Variants in PGAP1 observed in about 807,000 individuals in gnomAD.
PGAP1 encodes post-GPI attachment to proteins inositol deacylase 1, also known as GPI inositol-deacylase.
PGAP1 carries 76 observed loss-of-function variants against 127.0 expected under a neutral mutation model. The ratio of observed to expected loss-of-function variants is 0.60; its 90% CI spans 0.50 to 0.72. PGAP1 has a LOEUF of 0.72. Among genes scored for constraint, PGAP1 ranks in the 30% least tolerant of loss-of-function variants. The pLI, the probability that PGAP1 is intolerant of heterozygous loss-of-function variation, is 0.00. For synonymous variants in PGAP1, 362 were observed against 366.5 expected (o/e 0.99, Z 0.14); for missense variants, 982 against 1,071.3 (o/e 0.92, Z 1.16).
intron 5 of PGAP1, among the ~76,000 whole-genome samples, chr2:196,900,423 A>T (rs1369007748): frequency 6.6e-6 from 1 of 152,248 alleles, no homozygotes; most frequent in Non-Finnish European, 1.5e-5. Flanking sequence ...TGTAAACATC[A>T]TTTAACTATT....
chr2:196,886,438 GGT>G (rs1399992903), intron 10 of PGAP1, among the ~76,000 whole-genome samples: 1 of 151,842 alleles, frequency 6.6e-6, no homozygotes, highest in African/African-American at 2.4e-5. Flanking sequence ...TGGGATTATA[GGT>G]GTGAGCCACC....
At position 196,840,996 on chromosome 2, in the gene PGAP1, T is replaced by C; in HGVS notation, c.*238A>G. ...GAGTCCTCAATGATAGTGATCACCA[T>C]ATATCCCTTCATGAATTTTTCAAAA... On this transcript the variant is annotated 3_prime_UTR_variant, in exon 27 of 27. Coordinates refer to ENST00000354764, the MANE Select transcript of PGAP1 (RefSeq NM_024989.4). 2.3e-6 allele frequency: 1 copy of C among 443,050 alleles called. No homozygotes were observed. Among genetic ancestry groups the C allele is most frequent in the Non-Finnish European group, 4.0e-6 (1 of 248,784 alleles). The allele number at this position is 443,050 out of a possible 1,614,324, so 27.4% of individuals were successfully genotyped here. A position where few individuals can be genotyped will look rare whatever the true frequency, so the allele number is the denominator to read the frequency against.
chr2:196,925,323 G>A (rs1029505161), intron 1 of PGAP1, among the ~76,000 whole-genome samples: 1 of 151,932 alleles, frequency 6.6e-6, no homozygotes, highest in African/African-American at 2.4e-5. Flanking sequence ...ATAATGACTT[G>A]TACAAAGAAG....
Position 196,889,364 on chromosome 2 carries a change from C to T in PGAP1, c.1173+1464G>A, listed in dbSNP as rs575394387. ...ACCCATTAGCATCCAGCCCACAATGCCTATCATCTTTTTTTAAAATATTTT... is the reference window on the plus strand; with the variant it reads ...ACCCATTAGCATCCAGCCCACAATGTCTATCATCTTTTTTTAAAATATTTT... On this transcript the variant is annotated intron_variant, in intron 10 of 26. Coordinates refer to ENST00000354764, the MANE Select transcript of PGAP1 (RefSeq NM_024989.4). Among the ~76,000 whole-genome samples, 604 of 152,054 alleles carry T rather than the reference C, an allele frequency of 4.0e-3. 3 individuals are homozygous for T. The highest frequency in any genetic ancestry group is 6.6e-3 in the Non-Finnish European group (451 of 67,984).
At position 196,902,732 on chromosome 2, in the gene PGAP1, C is replaced by A. The variant is rs769633526; in HGVS notation, c.660G>T (p.Thr220=). The change falls in exon 5 of 27, where the codon ACG becomes ACT. Residue 220 remains threonine, a synonymous_variant. Coordinates refer to ENST00000354764, the MANE Select transcript of PGAP1 (RefSeq NM_024989.4). The part of the protein sequence containing the change: ...PLDRFITDFY[T]TVNNYWILNA... Reference sequence around the variant, plus strand: ...TTAGAATCCAATAGTTGTTTACAGTCGTATAAAAATCTGGTGGGGAATAAA... The same window carrying A: ...TTAGAATCCAATAGTTGTTTACAGTAGTATAAAAATCTGGTGGGGAATAAA... 1.3e-6 allele frequency: 2 copies of A among 1,598,172 alleles called. No homozygotes were observed. Among genetic ancestry groups the A allele is most frequent in the South Asian group, 1.1e-5 (1 of 87,512 alleles).
chr2:196,858,205 T>C (rs1700950271), intron 20 of PGAP1, among the ~76,000 whole-genome samples: 2 of 151,876 alleles, frequency 1.3e-5, no homozygotes, highest in South Asian at 4.2e-4. Context: ...ATCGAGACCA[T>C]CCTGGCTAAC....
intron 20 of PGAP1, among the ~76,000 whole-genome samples, chr2:196,862,214 T>C (rs981460026): frequency 1.3e-5 from 2 of 152,088 alleles, no homozygotes; most frequent in Non-Finnish European, 2.9e-5. Flanking sequence ...GGTAGGTCTA[T>C]AGACGGGCTC....
chr2:196,870,683 A>G (rs1014922933), intron 19 of PGAP1, among the ~76,000 whole-genome samples: 9 of 152,154 alleles, frequency 5.9e-5, no homozygotes, highest in African/African-American at 2.2e-4. Flanking sequence ...TGAAAGAATC[A>G]CCTTAAAGCA....
intron 20 of PGAP1, among the ~76,000 whole-genome samples, chr2:196,858,821 A>C (rs905805848): frequency 1.3e-5 from 2 of 152,174 alleles, no homozygotes; most frequent in African/African-American, 4.8e-5. Flanking sequence ...AGCTAGACTA[A>C]GAAAAAAAGA....
intron 21 of PGAP1, 113 bp downstream of exon 21, chr2:196,847,834 T>A: frequency 1.4e-6 from 1 of 721,058 alleles, no homozygotes; most frequent in Non-Finnish European, 2.1e-6. Flanking sequence ...CCTCATTTAA[T>A]GAAACAAGTC....
intron 16 of PGAP1, 50 bp downstream of exon 16, chr2:196,873,478 C>T (rs1217065997): frequency 7.1e-7 from 1 of 1,411,064 alleles, no homozygotes; most frequent in South Asian, 1.2e-5. Context: ...CCTATTGAGT[C>T]TTCAAATGAC....
At chr2:196,863,049 A>T (rs73064937) in intron 20 of PGAP1, among the ~76,000 whole-genome samples, 15,592 of 152,258 alleles carry the variant, frequency 0.1, 959 homozygotes, top group African/African-American at 0.17. Context: ...TGGCTTGTTA[A>T]CAAAAAGACA....
intron 19 of PGAP1, among the ~76,000 whole-genome samples, chr2:196,866,789 C>T (rs1701256458): frequency 6.6e-6 from 1 of 151,964 alleles, no homozygotes; most frequent in African/African-American, 2.4e-5. Context: ...AAAAAACAAC[C>T]TCATCAAAAA....
intron 10 of PGAP1, among the ~76,000 whole-genome samples, chr2:196,889,518 CAA>C (rs1180672359): frequency 2.2e-5 from 3 of 133,622 alleles, no homozygotes; most frequent in Admixed American, 7.5e-5. Flanking sequence ...TGAGATATGC[CAA>C]AAAAAAAAAA....
intron 4 of PGAP1, among the ~76,000 whole-genome samples, chr2:196,904,268 C>T (rs1377558309): frequency 2.6e-5 from 4 of 152,168 alleles, no homozygotes; most frequent in South Asian, 2.1e-4. Context: ...CATCCTAATT[C>T]GATCCCGCAT....
intron 1 of PGAP1, chr2:196,922,672 C>CT (rs763237138): frequency 0.04 from 4,624 of 115,250 alleles, 536 homozygotes; most frequent in Non-Finnish European, 0.06. Flanking sequence ...TTCTTACCTA[C>CT]TTTTTTTTTT....
At chr2:196,919,761 C>T (rs992217519) in intron 2 of PGAP1, among the ~76,000 whole-genome samples, 2 of 152,206 alleles carry the variant, frequency 1.3e-5, no homozygotes, top group East Asian at 3.8e-4. Flanking sequence ...CCATCCTACT[C>T]TATCTTATTC....
At chr2:196,877,952 T>C (rs556466721) in intron 13 of PGAP1, among the ~76,000 whole-genome samples, 1 of 152,192 alleles carries the variant, frequency 6.6e-6, no homozygotes, top group African/African-American at 2.4e-5. Context: ...AAAGAAGTTA[T>C]AAAGTATCAT....
At chr2:196,859,370 TA>T (rs1700988874) in intron 20 of PGAP1, among the ~76,000 whole-genome samples, 1 of 151,940 alleles carries the variant, frequency 6.6e-6, no homozygotes, top group African/African-American at 2.4e-5. Flanking sequence ...GAAGCAGTAA[TA>T]AAAAGTCTCC....
Sources: allele counts gnomAD v4.1 joint callset (sites outside exome capture counted in the v4.1 genomes callset), GRCh38; gene constraint gnomAD v4.1.1; transcripts MANE v1.5; gene names NCBI Gene and HGNC (gene_info 2026-07-23, HGNC 2026-07-21).